ANO1: variants seen among roughly 807,000 people sequenced by gnomAD.
ANO1 encodes anoctamin 1.
A neutral mutation model predicts 124.0 loss-of-function variants in ANO1; 59 were observed. The observed-to-expected ratio is 0.48, with a 90% CI of 0.39 to 0.59. ANO1 has a LOEUF of 0.59. Among genes scored for constraint, ANO1 ranks in the 20% least tolerant of loss-of-function variants. The probability of loss-of-function intolerance (pLI) is 0.00; values close to 1 mark genes in which losing one functional copy is unlikely to be tolerated. For missense variants in ANO1, 1,059 were observed against 1,328.0 expected, an observed-to-expected ratio of 0.80 and a Z score of 3.15; for synonymous variants, 529 against 532.0, an observed-to-expected ratio of 0.99 and a Z score of 0.08.
chr11:70,176,893 A>G (rs2048722325), intron 22 of ANO1, among the ~76,000 whole-genome samples: 1 of 152,104 alleles, frequency 6.6e-6, no homozygotes, highest in Non-Finnish European at 1.5e-5. Flanking sequence ...CCACCCCAGG[A>G]GAGGCGGATC....
chr11:70,117,151 C>T (rs1298937663), intron 8 of ANO1, among the ~76,000 whole-genome samples: 1 of 139,684 alleles, frequency 7.2e-6, no homozygotes, highest in Non-Finnish European at 1.5e-5. Flanking sequence ...GTCACCCAGG[C>T]CCTCTGCCTC....
chr11:69,971,254 T>C, the ANO1 span, among the ~76,000 whole-genome samples: 3 of 152,322 alleles, frequency 2.0e-5, no homozygotes, highest in Admixed American at 1.3e-4. Flanking sequence ...TTGGTCCCCA[T>C]GGTCTCTGGG....
the ANO1 span, among the ~76,000 whole-genome samples, chr11:69,974,989 G>T: frequency 2.6e-5 from 4 of 151,512 alleles, no homozygotes; most frequent in East Asian, 7.7e-4. Context: ...AGACTAAACT[G>T]CCCTGAGAGG....
chr11:70,125,455 G>A (rs2135488154), intron 9 of ANO1, among the ~76,000 whole-genome samples: 2 of 150,952 alleles, frequency 1.3e-5, no homozygotes, highest in African/African-American at 4.9e-5. Context: ...GGCGGAGGTT[G>A]CAGTGAGCCG....
rs1266512853 is a variant in ANO1 at position 70,116,529 on chromosome 11, C to T, written c.897+30C>T. The T allele has an allele frequency of 1.9e-6, 3 of 1,575,456 alleles. No individual in the cohort carries two copies. In the Admixed American group the frequency reaches 5.6e-5, roughly 29 times the overall value. On this transcript the variant is annotated intron_variant, in intron 8 of 25. Coordinates refer to ENST00000355303, the MANE Select transcript of ANO1 (RefSeq NM_018043.7). ...GTTGATGGAGCGGAGCAGGAGGTGG[C>T]TCTGTCAGAGCCTGGAGGCGTTCTG...
At chr11:70,042,665 A>C (rs1385339085) in intron 1 of ANO1, among the ~76,000 whole-genome samples, 1 of 152,172 alleles carries the variant, frequency 6.6e-6, no homozygotes, top group Non-Finnish European at 1.5e-5. Context: ...AACCACCAGA[A>C]GATAGTAGAT....
chr11:70,118,335 A>T (rs1385984511), intron 8 of ANO1, among the ~76,000 whole-genome samples: 1 of 151,844 alleles, frequency 6.6e-6, no homozygotes, highest in Admixed American at 6.6e-5. Context: ...ACTGGGCACT[A>T]CTCTGTGCCA....
At chr11:70,106,867 G>A (rs960334750) in intron 5 of ANO1, among the ~76,000 whole-genome samples, 9 of 152,204 alleles carry the variant, frequency 5.9e-5, no homozygotes, top group Non-Finnish European at 1.3e-4. Flanking sequence ...TCAGAGAACA[G>A]CAGTACTCGA....
At chr11:69,966,905 C>G in the ANO1 span, among the ~76,000 whole-genome samples, 5 of 152,136 alleles carry the variant, frequency 3.3e-5, no homozygotes, top group African/African-American at 1.2e-4. Flanking sequence ...AACAACCCCT[C>G]CTGAGAACAA....
At chr11:70,146,256 C>A (rs1257665527) in intron 11 of ANO1, among the ~76,000 whole-genome samples, 1 of 152,230 alleles carries the variant, frequency 6.6e-6, no homozygotes, top group East Asian at 1.9e-4. Context: ...GCCTCTGAAT[C>A]TCAGTTTTGT....
At chr11:70,170,395 C>T (rs139242319) in intron 21 of ANO1, among the ~76,000 whole-genome samples, 2 of 152,278 alleles carry the variant, frequency 1.3e-5, no homozygotes, top group African/African-American at 2.4e-5. Context: ...AGTTTGAGAC[C>T]AGCCCAGGCA....
chr11:70,103,903 T>TG, intron 3 of ANO1, 96 bp from the exon 4 acceptor site: 1 of 1,348,262 alleles, frequency 7.4e-7, no homozygotes. Flanking sequence ...CCCCGTTGCA[T>TG]GGGGTGGGAT....
chr11:70,100,206 A>C (rs1376840215), intron 2 of ANO1, among the ~76,000 whole-genome samples: 1 of 152,212 alleles, frequency 6.6e-6, no homozygotes, highest in Non-Finnish European at 1.5e-5. Flanking sequence ...AAAGCCCTGC[A>C]GGACCGCAAC....
the ANO1 span, among the ~76,000 whole-genome samples, chr11:69,969,036 G>A: frequency 7.2e-5 from 11 of 152,144 alleles, no homozygotes; most frequent in Admixed American, 7.2e-4. Context: ...TAGATATGTG[G>A]CAGTCAGTCA....
intron 18 of ANO1, 105 bp from the exon 19 acceptor site, chr11:70,163,178 C>A (rs747653073): frequency 1.5e-4 from 179 of 1,231,754 alleles, no homozygotes; most frequent in Non-Finnish European, 2.0e-4. Flanking sequence ...ACCCTCGAGG[C>A]TCAGCCTGCA....
chr11:70,135,729 A>G, intron 11 of ANO1, among the ~76,000 whole-genome samples: 1 of 152,324 alleles, frequency 6.6e-6, no homozygotes, highest in East Asian at 1.9e-4. Flanking sequence ...GCACATTCCC[A>G]GGGGAAGGGA....
At chr11:70,062,421 T>C (rs982236645) in intron 1 of ANO1, among the ~76,000 whole-genome samples, 4 of 152,012 alleles carry the variant, frequency 2.6e-5, no homozygotes, top group Admixed American at 6.6e-5. Context: ...ACTCCAAATA[T>C]AGGGACACAT....
chr11:69,975,586 G>T, the ANO1 span, among the ~76,000 whole-genome samples: 1 of 152,208 alleles, frequency 6.6e-6, no homozygotes, highest in African/African-American at 2.4e-5. Context: ...GGGCAGTTGG[G>T]GTGCCAGAGG....
chr11:70,124,417 A>G lies in ANO1; in HGVS notation c.962+3A>G. 1 of 1,613,718 alleles carries G rather than the reference A, an allele frequency of 6.2e-7. No individual in the cohort carries two copies. Among genetic ancestry groups the G allele is most frequent in the Non-Finnish European group, 8.5e-7 (1 of 1,179,826 alleles). On this transcript the variant is annotated splice_donor_region_variant and intron_variant, in intron 9 of 25. Transcript: ENST00000355303. Reference sequence around the variant, plus strand: ...TACCAGCCCATCGACCTGGTCAGGTAAGAACGCGCCACAGCCTGCGGGAAT... The same window carrying G: ...TACCAGCCCATCGACCTGGTCAGGTGAGAACGCGCCACAGCCTGCGGGAAT...
Sources: allele counts gnomAD v4.1 joint callset (sites outside exome capture counted in the v4.1 genomes callset), GRCh38; gene constraint gnomAD v4.1.1; transcripts MANE v1.5; gene names NCBI Gene and HGNC (gene_info 2026-07-23, HGNC 2026-07-21).